The following SP100 variants were observed in gnomAD, a reference collection of about 807,000 sequenced individuals.
SP100 encodes the protein nuclear autoantigen Sp-100.
A neutral mutation model predicts 130.0 loss-of-function variants in SP100; 84 were observed. That is an observed-to-expected ratio of 0.65 (90% CI 0.54 to 0.77). The LOEUF is 0.77. Ranked by LOEUF, SP100 falls within the 30% of genes least tolerant of loss-of-function variation. SP100 has a pLI of 0.00. For synonymous variants in SP100, 331 were observed against 351.7 expected (o/e 0.94, Z 0.66); for missense variants, 978 against 1,052.2 (o/e 0.93, Z 0.97).
Position 230,467,274 on chromosome 2 carries a change from A to G in SP100, c.1291+59A>G, listed in dbSNP as rs1001574434. The G allele has an allele frequency of 2.2e-5, 27 of 1,208,694 alleles. No individual in the cohort carries two copies. The East Asian group carries it at 5.8e-4, about 26-fold the overall frequency. 74.9% of individuals were successfully genotyped at this position (1,208,694 alleles called of 1,614,324 possible). ...CTTCAGAGCACCTCTTCCCTGATGC[A>G]CTGTGCTCTGAGCACACACAACAGC... is the stretch of plus-strand genomic sequence containing the variant. On this transcript the variant is annotated intron_variant, in intron 13 of 28. Transcript: ENST00000340126.
intron 24 of SP100, chr2:230,515,745 T>C: frequency 6.6e-7 from 1 of 1,512,586 alleles, no homozygotes; most frequent in Non-Finnish European, 8.7e-7. Context: ...CTGTGTAAGA[T>C]TTGTTTTTAA....
At position 230,533,005 on chromosome 2, in the gene SP100, G is replaced by A. The variant is rs1044495082; in HGVS notation, c.2095-6262G>A. 7.2e-5 allele frequency among the ~76,000 whole-genome samples: 11 copies of A among 152,084 alleles called. No individual in the cohort carries two copies. In the South Asian group the frequency reaches 1.0e-3, roughly 14 times the overall value. ...CATGTTGGCCAGGCTGGTGTCGAAC[G>A]CCTAACCTTATGTGATCCACCTGCC... On this transcript the variant is annotated intron_variant, in intron 24 of 28. Transcript: ENST00000340126.
intron 7 of SP100, 95 bp from the exon 8 acceptor site, chr2:230,450,077 G>T: frequency 1.2e-6 from 1 of 824,942 alleles, no homozygotes; most frequent in Admixed American, 2.2e-5. Flanking sequence ...GTAGAAACAG[G>T]AGAAGAAAGG....
intron 2 of SP100, among the ~76,000 whole-genome samples, chr2:230,430,290 C>T (rs1033095469): frequency 7.9e-5 from 12 of 152,190 alleles, no homozygotes; most frequent in African/African-American, 2.9e-4. Context: ...TGACTGGACC[C>T]TTTTGTTGGG....
intron 17 of SP100, among the ~76,000 whole-genome samples, chr2:230,485,980 C>G (rs1010034951): frequency 6.6e-6 from 1 of 152,146 alleles, no homozygotes; most frequent in African/African-American, 2.4e-5. Flanking sequence ...CTAGTGGTTA[C>G]AACTAGCTAG....
intron 2 of SP100, among the ~76,000 whole-genome samples, chr2:230,421,387 T>C (rs2149856594): frequency 6.6e-6 from 1 of 152,270 alleles, no homozygotes; most frequent in East Asian, 1.9e-4. Context: ...TTGACATCTC[T>C]CCTGTGTTGG....
intron 9 of SP100, among the ~76,000 whole-genome samples, chr2:230,461,774 C>T (rs2064652969): frequency 1.3e-5 from 2 of 151,766 alleles, no homozygotes; most frequent in South Asian, 4.2e-4. Context: ...CATGGCGAAA[C>T]CCCATCTCTA....
intron 17 of SP100, among the ~76,000 whole-genome samples, chr2:230,492,299 G>A (rs547697719): frequency 9.9e-5 from 15 of 152,028 alleles, no homozygotes; most frequent in South Asian, 4.2e-4. Flanking sequence ...CCTGTTTTTC[G>A]TTTGTTTGTT....
chr2:230,435,124 C>A (rs538104547), intron 2 of SP100, among the ~76,000 whole-genome samples: 102 of 152,306 alleles, frequency 6.7e-4, no homozygotes, highest in East Asian at 1.9e-4. Context: ...CATGCTTACA[C>A]CAGGGATGAG....
rs1361334778 is a variant in SP100 at position 230,421,140 on chromosome 2, C to T, written c.107+3475C>T. On this transcript the variant is annotated intron_variant, in intron 2 of 28. Coordinates refer to ENST00000340126, the MANE Select transcript of SP100 (RefSeq NM_001080391.2). ...TGTGCAACATCCTCCCGCCCCTCCC[C>T]GCCGACCCCACAAATAACTATTGCC... 3.3e-5 allele frequency among the ~76,000 whole-genome samples: 5 copies of T among 152,242 alleles called. No individual in the cohort carries two copies. In the South Asian group the frequency reaches 6.2e-4, roughly 19 times the overall value.
chr2:230,461,486 C>T (rs11681514), intron 9 of SP100, 72 bp downstream of exon 9: 21 of 1,503,060 alleles, frequency 1.4e-5, no homozygotes, highest in East Asian at 9.0e-5. Context: ...GACTTCATCA[C>T]GGACCATCGG....
intron 17 of SP100, among the ~76,000 whole-genome samples, chr2:230,484,649 C>G (rs1451423995): frequency 6.6e-6 from 1 of 152,028 alleles, no homozygotes; most frequent in African/African-American, 2.4e-5. Context: ...AGTGTGCTTT[C>G]GTTGTTATTA....
At chr2:230,468,117 T>C (rs1212537487) in intron 13 of SP100, among the ~76,000 whole-genome samples, 1 of 152,202 alleles carries the variant, frequency 6.6e-6, no homozygotes. Context: ...GTTCCCCCCA[T>C]TTGACAGATG....
intron 2 of SP100, among the ~76,000 whole-genome samples, chr2:230,428,532 T>C (rs924966787): frequency 3.3e-5 from 5 of 151,646 alleles, no homozygotes; most frequent in Non-Finnish European, 7.4e-5. Flanking sequence ...AAACTCCACC[T>C]CCCAGGTTCA....
chr2:230,444,419 C>A, intron 4 of SP100, 73 bp downstream of exon 4: 1 of 1,206,810 alleles, frequency 8.3e-7, no homozygotes, highest in Non-Finnish European at 1.2e-6. Flanking sequence ...TGATCTCCTA[C>A]CATGAGTGAC....
At chr2:230,431,601 A>G (rs558519951) in intron 2 of SP100, among the ~76,000 whole-genome samples, 8 of 152,292 alleles carry the variant, frequency 5.3e-5, no homozygotes, top group South Asian at 4.1e-4. Flanking sequence ...CTATTCTGCC[A>G]TCTTAGTGAC....
intron 24 of SP100, chr2:230,516,194 C>T: frequency 9.6e-6 from 4 of 415,350 alleles, no homozygotes; most frequent in South Asian, 1.0e-4. Context: ...TCTTGTCATA[C>T]TTGAAAATAT....
chr2:230,431,967 C>T (rs1452074346), intron 2 of SP100, among the ~76,000 whole-genome samples: 1 of 152,122 alleles, frequency 6.6e-6, no homozygotes, highest in African/African-American at 2.4e-5. Flanking sequence ...CAGAGTTGTG[C>T]AACCATCATC....
rs761561087 is a variant in SP100 at position 230,474,375 on chromosome 2, A to C, written c.1547-19A>C. On this transcript the variant is annotated intron_variant, in intron 16 of 28. Coordinates refer to ENST00000340126, the MANE Select transcript of SP100 (RefSeq NM_001080391.2). ...ACTTATAAATTACAGTTCTCTGACC[A>C]CTACCTGTCACTTTCTAGATACCAT... 1 of 1,426,034 alleles carries C rather than the reference A, an allele frequency of 7.0e-7. No homozygotes were observed. Among genetic ancestry groups the C allele is most frequent in the South Asian group, 1.2e-5 (1 of 82,690 alleles). The allele number at this position is 1,426,034 out of a possible 1,614,324, so 88.3% of individuals were successfully genotyped here. A position where few individuals can be genotyped will look rare whatever the true frequency, so the allele number is the denominator to read the frequency against.
Sources: gnomAD v4.1 joint callset for allele counts (sites outside exome capture counted in the v4.1 genomes callset) on GRCh38, gnomAD v4.1.1 for gene constraint, MANE v1.5 for transcripts, NCBI Gene and HGNC (gene_info 2026-07-23, HGNC 2026-07-21) for gene names.